The following IMMP2L variants were observed in gnomAD, a reference collection of about 807,000 sequenced individuals.
The protein encoded by IMMP2L is inner mitochondrial membrane peptidase subunit 2.
In IMMP2L, 18 loss-of-function variants were observed where a neutral mutation model predicts 19.3. The ratio of observed to expected loss-of-function variants is 0.93; its 90% CI spans 0.64 to 1.38. The LOEUF (loss-of-function observed/expected upper bound fraction) is 1.38, where lower values mean the gene tolerates loss of function less well. IMMP2L is among the 40% of genes most tolerant of loss of function. The pLI, the probability that IMMP2L is intolerant of heterozygous loss-of-function variation, is 0.00. For missense variants in IMMP2L, 233 were observed against 218.2 expected (o/e 1.07, Z -0.43); for synonymous variants, 76 against 73.0 (o/e 1.04, Z -0.21).
chr7:110,854,126 T>C (rs955999076), intron 5 of IMMP2L, among the ~76,000 whole-genome samples: 1 of 152,094 alleles, frequency 6.6e-6, no homozygotes, highest in Non-Finnish European at 1.5e-5. Flanking sequence ...GGTACACATA[T>C]ATTTTAAATA....
At chr7:111,453,370 T>C (rs1332909218) in intron 3 of IMMP2L, among the ~76,000 whole-genome samples, 1 of 152,204 alleles carries the variant, frequency 6.6e-6, no homozygotes, top group African/African-American at 2.4e-5. Context: ...TGACAGCAGA[T>C]TCCCTCTTCT....
intron 3 of IMMP2L, among the ~76,000 whole-genome samples, chr7:111,372,850 T>C (rs1456182341): frequency 1.3e-5 from 2 of 152,014 alleles, no homozygotes; most frequent in African/African-American, 4.8e-5. Flanking sequence ...ATCAGTTTCA[T>C]TTTTCTATTT....
rs116589990 is a variant in IMMP2L, at chr7:111,051,885, T to A, written c.240-88320A>T. ...AATTTTAAGCCTCCAACTGACTCAA[T>A]GGACCTCTCCTTTTGGCCTAGGGGA... On this transcript the variant is annotated intron_variant, in intron 3 of 5. Transcript: ENST00000405709. Among the ~76,000 whole-genome samples, 633 of 152,328 alleles carry A rather than the reference T, an allele frequency of 4.2e-3. 4 individuals carry two copies. Among genetic ancestry groups the A allele is most frequent in the African/African-American group, 0.015 (609 of 41,580 alleles).
intron 5 of IMMP2L, among the ~76,000 whole-genome samples, chr7:110,835,913 G>A (rs1446277890): frequency 1.3e-5 from 2 of 152,040 alleles, no homozygotes; most frequent in African/African-American, 4.8e-5. Flanking sequence ...CACTGACTTT[G>A]CAGAGCATGG....
intron 3 of IMMP2L, among the ~76,000 whole-genome samples, chr7:111,023,152 A>G (rs1826460878): frequency 6.6e-6 from 1 of 152,202 alleles, no homozygotes. Context: ...GAGATTTCGC[A>G]TTTCTCTTAA....
At position 110,663,468 on chromosome 7, in the gene IMMP2L, C is replaced by T. The variant is rs1315581939; in HGVS notation, c.*134G>A. The T allele has an allele frequency of 2.9e-6, 2 of 688,976 alleles. No individual in the cohort carries two copies. The highest frequency in any genetic ancestry group is 2.8e-5 in the East Asian group (1 of 36,306). 42.7% of individuals were successfully genotyped at this position (688,976 alleles called of 1,614,324 possible). A position where few individuals can be genotyped will look rare whatever the true frequency, so the allele number is the denominator to read the frequency against. On this transcript the variant is annotated 3_prime_UTR_variant, in exon 6 of 6. Transcript: ENST00000405709. The stretch of plus-strand genomic sequence containing the variant: ...AAATTATTTATTTAATAATACAGAT[C>T]GTTTTAATGTGCTGTAAATATTTCT...
At chr7:110,935,854 T>C (rs1213657443) in intron 4 of IMMP2L, among the ~76,000 whole-genome samples, 1 of 152,098 alleles carries the variant, frequency 6.6e-6, no homozygotes, top group South Asian at 2.1e-4. Context: ...AACAGATATA[T>C]AGACCAATGG....
intron 3 of IMMP2L, among the ~76,000 whole-genome samples, chr7:110,964,078 CTGCCGCCATGAGAAGATG>C (rs1430157950): frequency 1.3e-5 from 2 of 151,934 alleles, no homozygotes; most frequent in African/African-American, 4.8e-5. Context: ...GCTCTCTCTC[CTGCCGCCATGAGAAGATG>C]TGCCTCACTT....
chr7:111,274,114 CA>C (rs1445220406), intron 3 of IMMP2L, among the ~76,000 whole-genome samples: 1 of 151,782 alleles, frequency 6.6e-6, no homozygotes, highest in Non-Finnish European at 1.5e-5. Context: ...CTGTTTTTCC[CA>C]GGGGGAAAAA....
intron 1 of IMMP2L, among the ~76,000 whole-genome samples, chr7:111,532,186 C>T (rs989133321): frequency 2.0e-5 from 3 of 152,118 alleles, no homozygotes; most frequent in Admixed American, 2.0e-4. Flanking sequence ...AACCATGTGA[C>T]AGCCAGTTTC....
intron 5 of IMMP2L, among the ~76,000 whole-genome samples, chr7:110,862,782 T>C (rs990148780): frequency 2.0e-5 from 3 of 152,210 alleles, no homozygotes; most frequent in Admixed American, 6.5e-5. Context: ...TTTTAGACTT[T>C]CAAGGACATT....
At chr7:111,083,748 T>C (rs1306115249) in intron 3 of IMMP2L, among the ~76,000 whole-genome samples, 1 of 152,194 alleles carries the variant, frequency 6.6e-6, no homozygotes, top group Non-Finnish European at 1.5e-5. Context: ...TTTCAGTGTC[T>C]TGCATCGAGT....
At chr7:111,476,304 T>C (rs535856871) in intron 3 of IMMP2L, among the ~76,000 whole-genome samples, 3 of 152,306 alleles carry the variant, frequency 2.0e-5, no homozygotes, top group African/African-American at 7.2e-5. Flanking sequence ...AAGAAAATAA[T>C]ACTTTTTAAA....
At chr7:110,887,010 A>G (rs1159018213) in intron 4 of IMMP2L, among the ~76,000 whole-genome samples, 1 of 152,146 alleles carries the variant, frequency 6.6e-6, no homozygotes. Flanking sequence ...GGTAAGCCCT[A>G]ACAAAATATA....
intron 3 of IMMP2L, among the ~76,000 whole-genome samples, chr7:111,313,362 A>T (rs777792978): frequency 6.6e-6 from 1 of 152,154 alleles, no homozygotes; most frequent in Non-Finnish European, 1.5e-5. Flanking sequence ...CACAGGTTTT[A>T]TATCTTTGCA....
At chr7:110,990,673 T>C (rs1242571039) in intron 3 of IMMP2L, among the ~76,000 whole-genome samples, 1 of 152,172 alleles carries the variant, frequency 6.6e-6, no homozygotes, top group East Asian at 1.9e-4. Context: ...GCTGGGTTGC[T>C]GTGTAAGCCT....
chr7:110,756,899 T>C (rs2130946891), intron 5 of IMMP2L, among the ~76,000 whole-genome samples: 1 of 152,232 alleles, frequency 6.6e-6, no homozygotes, highest in Middle Eastern at 3.4e-3. Flanking sequence ...AAGGGTTTGA[T>C]CTCTTCCTGT....
intron 3 of IMMP2L, among the ~76,000 whole-genome samples, chr7:111,184,182 G>C (rs1327710526): frequency 6.6e-6 from 1 of 151,850 alleles, no homozygotes; most frequent in East Asian, 1.9e-4. Context: ...ATACTCCAGG[G>C]TGCTCTAGAG....
chr7:111,168,920 T>A (rs1234209570), intron 3 of IMMP2L, among the ~76,000 whole-genome samples: 2 of 151,754 alleles, frequency 1.3e-5, no homozygotes, highest in Non-Finnish European at 2.9e-5. Flanking sequence ...AAAATTTTTG[T>A]CTCAGTCTGG....
Sources: gnomAD v4.1 joint callset for allele counts (sites outside exome capture counted in the v4.1 genomes callset) on GRCh38, gnomAD v4.1.1 for gene constraint, MANE v1.5 for transcripts, NCBI Gene and HGNC (gene_info 2026-07-23, HGNC 2026-07-21) for gene names.